Variants in CFAP47 observed in about 807,000 individuals in gnomAD.
CFAP47 encodes the protein cilia and flagella associated protein 47, also known as cilia- and flagella-associated protein 47.
CFAP47 carries 29 observed loss-of-function variants against 148.1 expected under a neutral mutation model. The observed-to-expected ratio is 0.20, with a 90% CI of 0.15 to 0.27. The LOEUF (loss-of-function observed/expected upper bound fraction) is 0.27, where lower values mean the gene tolerates loss of function less well. CFAP47 is among the 10% of genes least tolerant of loss of function. The pLI, the probability that CFAP47 is intolerant of heterozygous loss-of-function variation, is 1.00. For missense variants in CFAP47, 1,872 were observed against 1,697.5 expected, an observed-to-expected ratio of 1.10 and a Z score of -1.81; for synonymous variants, 664 against 577.3, an observed-to-expected ratio of 1.15 and a Z score of -2.15.
Position 36,353,863 on chromosome X carries a change from A to G in CFAP47, c.8851+182A>G, listed in dbSNP as rs782305415. Among the ~76,000 whole-genome samples, 383 of 112,118 alleles carry G rather than the reference A, an allele frequency of 3.4e-3. 4 individuals are homozygous for G. Among genetic ancestry groups the G allele is most frequent in the African/African-American group, 0.012 (373 of 30,908 alleles). ...TATGTGTGTTATTTTCACGTAGCTC[A>G]AACATAACAAGTTACAGTTATCACT... On this transcript the variant is annotated intron_variant, in intron 60 of 63. Coordinates refer to ENST00000378653, the MANE Select transcript of CFAP47 (RefSeq NM_001304548.2).
In CFAP47 at chrX:35,993,245, T is replaced by C; in HGVS notation, c.3023T>C (p.Val1008Ala). 1 of 296,923 alleles carries C rather than the reference T, an allele frequency of 3.4e-6. No homozygotes were observed. The highest frequency in any genetic ancestry group is 5.9e-6 in the Non-Finnish European group (1 of 169,670). The allele number at this position is 296,923 out of a possible 1,213,427, so 24.5% of individuals were successfully genotyped here. The change falls in exon 18 of 64, where the codon GTT becomes GCT. Residue 1008 changes from valine to alanine, a missense_variant. Transcript: ENST00000378653. ...AATATTATTCCATCGCAAGGAATAG[T>C]TCCATTTGGGGGAATAACTGTTCTC... ...IINIIPSQGIVPFGGITVLNI... is the reference protein window; with the variant it reads ...IINIIPSQGIAPFGGITVLNI...
intron 57 of CFAP47, among the ~76,000 whole-genome samples, chrX:36,332,376 C>T (rs186400212): frequency 5.4e-5 from 6 of 111,183 alleles, no homozygotes; most frequent in African/African-American, 1.6e-4. Context: ...TAAGTTGTCA[C>T]GTCTCCATGA....
intron 37 of CFAP47, among the ~76,000 whole-genome samples, chrX:36,153,159 C>T (rs1180603297): frequency 9.0e-6 from 1 of 111,585 alleles, no homozygotes; most frequent in Admixed American, 9.5e-5. Context: ...TCTGTGAAAT[C>T]AAATAAGTTA....
intron 49 of CFAP47, among the ~76,000 whole-genome samples, chrX:36,262,930 C>A (rs1940846969): frequency 8.9e-6 from 1 of 111,865 alleles, no homozygotes; most frequent in Non-Finnish European, 1.9e-5. Context: ...GAGATGATAT[C>A]TCATTATAGT....
intron 56 of CFAP47, among the ~76,000 whole-genome samples, chrX:36,314,607 C>A (rs782697752): frequency 9.0e-6 from 1 of 111,381 alleles, no homozygotes; most frequent in South Asian, 3.8e-4. Flanking sequence ...ACAGAGAAAC[C>A]TTTAGGCTGA....
intron 41 of CFAP47, among the ~76,000 whole-genome samples, chrX:36,189,101 C>T (rs1203491724): frequency 3.6e-5 from 4 of 111,253 alleles, no homozygotes; most frequent in Non-Finnish European, 7.5e-5. Context: ...ATATAATGAT[C>T]GGTAGAACAA....
chrX:36,310,908 C>G lies in CFAP47; in HGVS notation c.8263C>G (p.Arg2755Gly). 8.8e-7 allele frequency: 1 copy of G among 1,139,224 alleles called. No individual in the cohort carries two copies. Among genetic ancestry groups the G allele is most frequent in the Non-Finnish European group, 1.2e-6 (1 of 849,189 alleles). 93.9% of individuals were successfully genotyped at this position (1,139,224 alleles called of 1,213,427 possible). ...QPLDTERITT[R>G]IGLQSTIVIP... ...TCTAGACACGGAAAGAATAACCACA[C>G]GCATTGGTCTTCAGTCAACTATTGT... is the stretch of plus-strand genomic sequence containing the variant. Residue 2755 changes from arginine to glycine, a missense_variant, in exon 56 of 64, where the codon CGC (arginine) becomes GGC (glycine). Coordinates refer to ENST00000378653, the MANE Select transcript of CFAP47 (RefSeq NM_001304548.2).
rs1355774113 is a variant in CFAP47 at position 36,039,026 on chromosome X, A to G, written c.3854A>G (p.Asn1285Ser). Reference sequence around the variant, plus strand: ...ACAGCAGATATTCCTATGCTTTTAAATTATATTCCAGTTTGCTATAAAATA... The same window carrying G: ...ACAGCAGATATTCCTATGCTTTTAAGTTATATTCCAGTTTGCTATAAAATA... The part of the protein sequence containing the change: ...TYTADIPMLL[N>S]YIPVCYKILH... The change falls in exon 25 of 64, where the codon AAT becomes AGT. Residue 1285 changes from asparagine (N) to serine (S), a missense_variant. Coordinates refer to ENST00000378653, the MANE Select transcript of CFAP47 (RefSeq NM_001304548.2). The G allele has an allele frequency of 1.8e-6, 2 of 1,133,670 alleles. No homozygotes were observed. Among genetic ancestry groups the G allele is most frequent in the Admixed American group, 5.5e-5 (2 of 36,273 alleles). The allele number at this position is 1,133,670 out of a possible 1,213,427, so 93.4% of individuals were successfully genotyped here.
chrX:35,954,753 A>C (rs1177750110), intron 7 of CFAP47, among the ~76,000 whole-genome samples: 1 of 112,048 alleles, frequency 8.9e-6, no homozygotes, highest in Non-Finnish European at 1.9e-5. Flanking sequence ...CAAAAACTTC[A>C]TGTTTATATT....
intron 20 of CFAP47, among the ~76,000 whole-genome samples, 155 bp from the exon 21 acceptor site, chrX:36,001,458 G>T (rs1053249776): frequency 8.9e-6 from 1 of 111,776 alleles, no homozygotes; most frequent in East Asian, 2.8e-4. Context: ...CCAATTGAAT[G>T]TATATTTGTT....
chrX:36,251,749 T>C (rs1341490378), intron 49 of CFAP47, among the ~76,000 whole-genome samples: 4 of 111,714 alleles, frequency 3.6e-5, no homozygotes, highest in African/African-American at 1.3e-4. Flanking sequence ...CAAATACTTA[T>C]ACCCGCGTAT....
chrX:36,329,357 T>G (rs1429162298), intron 57 of CFAP47, among the ~76,000 whole-genome samples: 1 of 111,517 alleles, frequency 9.0e-6, no homozygotes, highest in Admixed American at 9.6e-5. Flanking sequence ...TATAAAATAA[T>G]TGACTTGCAC....
At chrX:36,256,948 T>C (rs1410375594) in intron 49 of CFAP47, among the ~76,000 whole-genome samples, 3 of 112,361 alleles carry the variant, frequency 2.7e-5, no homozygotes, top group East Asian at 2.8e-4. Flanking sequence ...AAATTTTCAG[T>C]TGAGAGAGGA....
chrX:36,312,973 C>A (rs968375172), intron 56 of CFAP47, among the ~76,000 whole-genome samples: 12 of 111,167 alleles, frequency 1.1e-4, no homozygotes, highest in African/African-American at 3.9e-4. Context: ...ATCTCCCTTT[C>A]TGTTATATTC....
chrX:36,127,928 T>G, intron 33 of CFAP47, among the ~76,000 whole-genome samples: 1 of 111,203 alleles, frequency 9.0e-6, no homozygotes, highest in East Asian at 2.9e-4. Flanking sequence ...GCTTGTGATT[T>G]TTGCACAGTG....
intron 39 of CFAP47, among the ~76,000 whole-genome samples, chrX:36,168,002 A>G (rs1370997062): frequency 9.3e-6 from 1 of 108,039 alleles, no homozygotes; most frequent in Non-Finnish European, 2.0e-5. Flanking sequence ...ATATTATTTT[A>G]TCTGTTATTA....
Position 36,325,361 on chromosome X carries a change from C to T in CFAP47, c.8443+6054C>T, listed in dbSNP as rs958126472. ...TGTGCCCAAGAACTCACAGACAGTACGTGCTGGAACTTAGGTTTGAATTTG... is the reference window on the plus strand; with the variant it reads ...TGTGCCCAAGAACTCACAGACAGTATGTGCTGGAACTTAGGTTTGAATTTG... On this transcript the variant is annotated intron_variant, in intron 57 of 63. Coordinates refer to ENST00000378653, the MANE Select transcript of CFAP47 (RefSeq NM_001304548.2). 4.5e-5 allele frequency among the ~76,000 whole-genome samples: 5 copies of T among 111,582 alleles called. No individual in the cohort carries two copies. In the East Asian group the frequency reaches 1.1e-3, roughly 25 times the overall value.
chrX:36,167,105 C>A (rs769670124), intron 39 of CFAP47, among the ~76,000 whole-genome samples: 7 of 111,889 alleles, frequency 6.3e-5, no homozygotes, highest in Admixed American at 9.5e-5. Flanking sequence ...TTCACCAGTT[C>A]TCTCCAGCAA....
chrX:36,052,458 T>C (rs763925898), intron 26 of CFAP47, among the ~76,000 whole-genome samples: 3 of 112,348 alleles, frequency 2.7e-5, no homozygotes, highest in East Asian at 2.8e-4. Flanking sequence ...TAATAAAAAT[T>C]AGAATTCTTA....
Sources: gnomAD v4.1 joint callset for allele counts (sites outside exome capture counted in the v4.1 genomes callset) on GRCh38, gnomAD v4.1.1 for gene constraint, MANE v1.5 for transcripts, NCBI Gene and HGNC (gene_info 2026-07-23, HGNC 2026-07-21) for gene names.